DLG2: variants seen among roughly 807,000 people sequenced by gnomAD.
DLG2 encodes disks large homolog 2.
A neutral mutation model predicts 132.5 loss-of-function variants in DLG2; 45 were observed. That is an observed-to-expected ratio of 0.34 (90% confidence interval 0.27 to 0.44). The LOEUF (loss-of-function observed/expected upper bound fraction) is 0.44, where lower values mean the gene tolerates loss of function less well. Ranked by LOEUF, DLG2 falls within the 20% of genes least tolerant of loss-of-function variation. DLG2 has a pLI of 1.00. For synonymous variants in DLG2, 424 were observed against 419.6 expected, an observed-to-expected ratio of 1.01 and a Z score of -0.13; for missense variants, 1,045 against 1,196.9, an observed-to-expected ratio of 0.87 and a Z score of 1.87.
intron 10 of DLG2, among the ~76,000 whole-genome samples, chr11:84,075,484 T>C (rs921138207): frequency 6.6e-6 from 1 of 152,164 alleles, no homozygotes; most frequent in Non-Finnish European, 1.5e-5. Context: ...TAGTTCTTCC[T>C]AGTTAAGATT....
intron 8 of DLG2, among the ~76,000 whole-genome samples, chr11:84,223,903 C>T (rs2096952605): frequency 6.6e-6 from 1 of 152,152 alleles, no homozygotes; most frequent in Admixed American, 6.5e-5. Flanking sequence ...ACCCCATCCT[C>T]TCTTCCACTC....
chr11:84,206,772 A>G (rs1279227064), intron 8 of DLG2, among the ~76,000 whole-genome samples: 2 of 152,022 alleles, frequency 1.3e-5, no homozygotes, highest in South Asian at 4.1e-4. Context: ...TGGACAAAGA[A>G]AATAAATAGA....
intron 6 of DLG2, among the ~76,000 whole-genome samples, chr11:85,069,523 A>G (rs2154166108): frequency 6.6e-6 from 1 of 152,288 alleles, no homozygotes; most frequent in East Asian, 1.9e-4. Context: ...AAAGGAAGAC[A>G]TTTATGCAGC....
intron 17 of DLG2, among the ~76,000 whole-genome samples, chr11:83,805,126 T>A (rs2045567240): frequency 6.6e-6 from 1 of 152,118 alleles, no homozygotes; most frequent in Non-Finnish European, 1.5e-5. Context: ...GATCTCTTCA[T>A]TTAAAAGGCA....
chr11:84,207,083 A>C (rs142699799), intron 8 of DLG2, among the ~76,000 whole-genome samples: 1,752 of 98,226 alleles, frequency 0.018, 12 homozygotes, highest in African/African-American at 0.033. Flanking sequence ...CTCTCTCTCT[A>C]TATATATATA....
intron 19 of DLG2, among the ~76,000 whole-genome samples, chr11:83,567,265 T>C (rs898441615): frequency 3.9e-5 from 6 of 152,272 alleles, no homozygotes; most frequent in Admixed American, 3.3e-4. Context: ...CCAAGTCATG[T>C]TTTCTTTGCA....
At chr11:84,489,986 A>C (rs1462249625) in intron 7 of DLG2, among the ~76,000 whole-genome samples, 1 of 152,104 alleles carries the variant, frequency 6.6e-6, no homozygotes. Flanking sequence ...GAAAAATAGA[A>C]AAAAAGAAGA....
At chr11:84,204,969 G>C (rs571898557) in intron 8 of DLG2, among the ~76,000 whole-genome samples, 10 of 152,318 alleles carry the variant, frequency 6.6e-5, no homozygotes, top group African/African-American at 2.4e-4. Context: ...CTCCCAAAGT[G>C]CTGGGATTAC....
chr11:83,705,781 G>A (rs1021572203), intron 18 of DLG2, among the ~76,000 whole-genome samples: 1 of 151,940 alleles, frequency 6.6e-6, no homozygotes, highest in Non-Finnish European at 1.5e-5. Flanking sequence ...AATTCTCTTC[G>A]TGAAAAAACC....
chr11:84,565,623 G>A (rs144448353), intron 6 of DLG2, among the ~76,000 whole-genome samples: 16 of 152,180 alleles, frequency 1.1e-4, no homozygotes, highest in Non-Finnish European at 2.4e-4. Context: ...ATGTTCAAAT[G>A]TCAGATTATA....
chr11:85,027,457 C>A (rs1332880603), intron 6 of DLG2, among the ~76,000 whole-genome samples: 1 of 152,098 alleles, frequency 6.6e-6, no homozygotes, highest in South Asian at 2.1e-4. Context: ...GAGTATTGCT[C>A]GCGCCCACAG....
At chr11:85,470,294 A>C (rs2092942479) in intron 3 of DLG2, among the ~76,000 whole-genome samples, 1 of 152,068 alleles carries the variant, frequency 6.6e-6, no homozygotes, top group Non-Finnish European at 1.5e-5. Context: ...CATTGATATC[A>C]CTAGGACACT....
At chr11:83,620,801 C>T (rs1410668441) in intron 19 of DLG2, among the ~76,000 whole-genome samples, 1 of 126,498 alleles carries the variant, frequency 7.9e-6, no homozygotes, top group African/African-American at 3.0e-5. Context: ...ACCCAGGAGG[C>T]GGAGCTTGCA....
chr11:84,483,567 C>A (rs1211293128), intron 7 of DLG2, among the ~76,000 whole-genome samples: 3 of 151,788 alleles, frequency 2.0e-5, no homozygotes, highest in Non-Finnish European at 2.9e-5. Flanking sequence ...CATAAAAAAC[C>A]ACACATTAAG....
intron 6 of DLG2, among the ~76,000 whole-genome samples, chr11:85,104,025 A>G (rs1391852856): frequency 6.6e-6 from 1 of 151,900 alleles, no homozygotes; most frequent in Non-Finnish European, 1.5e-5. Context: ...CCTCACACCT[A>G]TTAGGATTGT....
chr11:83,720,329 A>AAAAAAAAAAAAAAT (rs1203333823), intron 18 of DLG2, among the ~76,000 whole-genome samples: 1 of 146,696 alleles, frequency 6.8e-6, no homozygotes, highest in East Asian at 2.0e-4. Context: ...AAAAAAAAGA[A>AAAAAAAAAAAAAAT]TGACATTCAC....
intron 6 of DLG2, among the ~76,000 whole-genome samples, chr11:84,579,585 G>A (rs892182574): frequency 2.0e-5 from 3 of 152,192 alleles, no homozygotes; most frequent in African/African-American, 7.2e-5. Context: ...TTAAGTATAT[G>A]TTGCTATAAT....
At chr11:85,603,044 A>G (rs575943079) in intron 2 of DLG2, among the ~76,000 whole-genome samples, 5 of 152,320 alleles carry the variant, frequency 3.3e-5, no homozygotes, top group African/African-American at 1.2e-4. Context: ...CTCCTCTTCT[A>G]TCTAGTAAGA....
intron 4 of DLG2, among the ~76,000 whole-genome samples, chr11:85,240,655 G>A (rs779537466): frequency 6.6e-6 from 1 of 151,726 alleles, no homozygotes; most frequent in Admixed American, 6.6e-5. Context: ...TTATTGAATA[G>A]CTCTTCCCTT....
Sources: allele counts gnomAD v4.1 joint callset (sites outside exome capture counted in the v4.1 genomes callset), GRCh38; gene constraint gnomAD v4.1.1; transcripts MANE v1.5; gene names NCBI Gene and HGNC (gene_info 2026-07-23, HGNC 2026-07-21).